CAPRIN1: variants seen among roughly 807,000 people sequenced by gnomAD.
The protein encoded by CAPRIN1 is caprin-1.
A neutral mutation model predicts 100.9 loss-of-function variants in CAPRIN1; 29 were observed. The observed-to-expected ratio is 0.29, with a 90% CI of 0.21 to 0.39. CAPRIN1 has a LOEUF of 0.39. Ranked by LOEUF, CAPRIN1 falls within the 10% of genes least tolerant of loss-of-function variation. The pLI, the probability that CAPRIN1 is intolerant of heterozygous loss-of-function variation, is 1.00. For missense variants in CAPRIN1, 795 were observed against 876.7 expected (o/e 0.91, Z 1.18); for synonymous variants, 338 against 307.5 (o/e 1.10, Z -1.04).
chr11:34,053,873 A>C (rs1850390140), intron 2 of CAPRIN1, among the ~76,000 whole-genome samples: 1 of 152,250 alleles, frequency 6.6e-6, no homozygotes, highest in South Asian at 2.1e-4. Flanking sequence ...TGTGACTATC[A>C]TGTTAACTTG....
At chr11:34,098,799 A>G (rs989665347) in intron 18 of CAPRIN1, 1 of 984,740 alleles carries the variant, frequency 1.0e-6, no homozygotes, top group Non-Finnish European at 1.2e-6. Flanking sequence ...TTATCTGTTA[A>G]AAGTCATTAT....
At position 34,100,286 on chromosome 11, in the gene CAPRIN1, G is replaced by C. The variant is rs1851434756; in HGVS notation, c.*919G>C. The C allele has an allele frequency of 6.6e-6, 1 of 152,082 alleles. No individual in the cohort carries two copies. Among genetic ancestry groups the C allele is most frequent in the South Asian group, 2.1e-4 (1 of 4,812 alleles). The allele number at this position is 152,082 out of a possible 1,614,324, so 9.4% of individuals were successfully genotyped here. A position where few individuals can be genotyped will look rare whatever the true frequency, so the allele number is the denominator to read the frequency against. ...CAGGTACTGATGAAAATCTCTAGTG[G>C]ATAATCATAACACTCTCGGTCACAT... On this transcript the variant is annotated 3_prime_UTR_variant, in exon 19 of 19. Coordinates refer to ENST00000341394, the MANE Select transcript of CAPRIN1 (RefSeq NM_005898.5).
chr11:34,102,308 G>A lies in CAPRIN1; in HGVS notation c.*2941G>A, dbSNP rs528359391. Among the ~76,000 whole-genome samples, 102 of 152,298 alleles carry A rather than the reference G, an allele frequency of 6.7e-4. No individual in the cohort carries two copies. The highest frequency in any genetic ancestry group is 2.4e-3 in the African/African-American group (100 of 41,558). On this transcript the variant is annotated 3_prime_UTR_variant, in exon 19 of 19. Coordinates refer to ENST00000341394, the MANE Select transcript of CAPRIN1 (RefSeq NM_005898.5). Reference sequence around the variant, plus strand: ...TTCCGTCATATAACTAGAGGAAGTGGAATGCAGATAAGTGCCGAATTCAAA... The same window carrying A: ...TTCCGTCATATAACTAGAGGAAGTGAAATGCAGATAAGTGCCGAATTCAAA...
intron 2 of CAPRIN1, among the ~76,000 whole-genome samples, chr11:34,062,848 C>T (rs1044818800): frequency 3.3e-5 from 5 of 152,064 alleles, no homozygotes; most frequent in African/African-American, 4.8e-5. Flanking sequence ...ATAGGAGTTA[C>T]GAAGTTTTCC....
At chr11:34,069,223 C>T (rs1230839398) in intron 2 of CAPRIN1, among the ~76,000 whole-genome samples, 1 of 148,510 alleles carries the variant, frequency 6.7e-6, no homozygotes, top group African/African-American at 2.5e-5. Flanking sequence ...GATCTCAGCT[C>T]TCTGCAACCT....
intron 6 of CAPRIN1, 118 bp downstream of exon 6, chr11:34,076,760 A>T (rs552472187): frequency 3.1e-4 from 218 of 703,868 alleles, no homozygotes; most frequent in Non-Finnish European, 4.6e-4. Flanking sequence ...TTGGAGACAG[A>T]GTCTACTCTG....
At chr11:34,092,194 A>G (rs1851277502) in intron 15 of CAPRIN1, 138 bp downstream of exon 15, 1 of 774,302 alleles carries the variant, frequency 1.3e-6, no homozygotes, top group Non-Finnish European at 1.9e-6. Context: ...TTTTCATTTC[A>G]GATCATGAGT....
At chr11:34,096,449 GTA>G (rs760244724) in intron 15 of CAPRIN1, 28 bp from the exon 16 acceptor site, 1 of 1,551,032 alleles carries the variant, frequency 6.4e-7, no homozygotes, top group Non-Finnish European at 8.9e-7. Context: ...AGCTGTTTAT[GTA>G]TATATCTTTT....
At position 34,099,458 on chromosome 11, in the gene CAPRIN1, C is replaced by T. The variant is rs1851420415; in HGVS notation, c.*91C>T. 12 of 1,096,852 alleles carry T rather than the reference C, an allele frequency of 1.1e-5. 1 individual carries two copies. The South Asian group carries it at 1.5e-4, about 14-fold the overall frequency. The allele number at this position is 1,096,852 out of a possible 1,614,324, so 67.9% of individuals were successfully genotyped here. A position where few individuals can be genotyped will look rare whatever the true frequency, so the allele number is the denominator to read the frequency against. On this transcript the variant is annotated 3_prime_UTR_variant, in exon 19 of 19. Transcript: ENST00000341394. The stretch of plus-strand genomic sequence containing the variant: ...AGAAGAGTTATTATCTATTTGTTCT[C>T]CCTTTCAGGAAACTTATTGTAAAGG...
At chr11:34,087,204 A>G (rs1333186725) in intron 11 of CAPRIN1, among the ~76,000 whole-genome samples, 2 of 152,162 alleles carry the variant, frequency 1.3e-5, no homozygotes, top group East Asian at 3.8e-4. Context: ...AAAATAACCT[A>G]TTTAATGTTG....
chr11:34,053,273 C>T (rs2134076720), intron 2 of CAPRIN1: 1 of 435,572 alleles, frequency 2.3e-6, no homozygotes, highest in Middle Eastern at 1.2e-3. Flanking sequence ...CTGCGTTTCC[C>T]TCTTTGTTTC....
Position 34,089,449 on chromosome 11 carries a change from C to T in CAPRIN1, c.1286C>T (p.Ala429Val), listed in dbSNP as rs143559873. Residue 429 changes from alanine (A) to valine (V), a missense_variant, in exon 12 of 19, where the codon GCG becomes GTG. Transcript: ENST00000341394. ...AATCAAGTTCCTGTACAACCAGAAGCGACACAGGTAAGAGTGATAAAACTA... is the reference window on the plus strand; with the variant it reads ...AATCAAGTTCCTGTACAACCAGAAGTGACACAGGTAAGAGTGATAAAACTA... Reference protein sequence around the residue: ...QPNQVPVQPEATQVPLVSSTS... With the variant: ...QPNQVPVQPEVTQVPLVSSTS... The T allele has an allele frequency of 1.7e-4, 270 of 1,596,428 alleles. 3 individuals carry two copies. In the East Asian group the frequency reaches 3.5e-3, roughly 21 times the overall value.
intron 9 of CAPRIN1, among the ~76,000 whole-genome samples, chr11:34,083,671 G>C (rs1590738816): frequency 6.6e-6 from 1 of 152,242 alleles, no homozygotes; most frequent in Middle Eastern, 3.4e-3. Flanking sequence ...CCTTCCTTTT[G>C]ATCTTCTTTT....
At chr11:34,052,390 G>T (rs754896913) in intron 1 of CAPRIN1, 31 bp from the exon 2 acceptor site, 1 of 1,581,150 alleles carries the variant, frequency 6.3e-7, no homozygotes, top group Non-Finnish European at 8.6e-7. Context: ...CCTTCCTCCC[G>T]CTTTTTCTTC....
chr11:34,069,877 T>C (rs1458637005), intron 2 of CAPRIN1, among the ~76,000 whole-genome samples: 1 of 149,978 alleles, frequency 6.7e-6, no homozygotes, highest in Non-Finnish European at 1.5e-5. Context: ...GACATTTGTT[T>C]ATGGTACAAA....
intron 9 of CAPRIN1, 60 bp downstream of exon 9, chr11:34,083,101 C>G (rs575278032): frequency 1.8e-6 from 2 of 1,089,344 alleles, no homozygotes; most frequent in African/African-American, 3.1e-5. Context: ...ATTTTTATCT[C>G]TACTGAGAAC....
chr11:34,085,991 G>A (rs1324431727), intron 9 of CAPRIN1, 73 bp from the exon 10 acceptor site: 22 of 1,227,794 alleles, frequency 1.8e-5, no homozygotes, highest in Non-Finnish European at 2.6e-5. Context: ...TAGTGTGGGG[G>A]ACCCATCATG....
chr11:34,095,253 A>AAG (rs58248178), intron 15 of CAPRIN1, among the ~76,000 whole-genome samples: 152,327 of 152,332 alleles, frequency 1, 76,161 homozygotes, highest in Middle Eastern at 1. Context: ...TATTGATAAA[A>AAG]TGATTCTAAA....
chr11:34,081,600 TCTC>T (rs1345993762), intron 7 of CAPRIN1, among the ~76,000 whole-genome samples: 3 of 152,040 alleles, frequency 2.0e-5, no homozygotes, highest in Non-Finnish European at 4.4e-5. Flanking sequence ...GTCAAGCAAT[TCTC>T]CTGCTTTAGC....
Sources: gnomAD v4.1 joint callset for allele counts (sites outside exome capture counted in the v4.1 genomes callset) on GRCh38, gnomAD v4.1.1 for gene constraint, MANE v1.5 for transcripts, NCBI Gene and HGNC (gene_info 2026-07-23, HGNC 2026-07-21) for gene names.